Variants in SMO observed in about 807,000 individuals in gnomAD.
The protein encoded by SMO is protein smoothened.
In SMO, 40 loss-of-function variants were observed where a neutral mutation model predicts 81.6. The ratio of observed to expected loss-of-function variants is 0.49; its 90% CI spans 0.38 to 0.64. SMO has a LOEUF of 0.64. Ranked by LOEUF, SMO falls within the 30% of genes least tolerant of loss-of-function variation. The pLI, the probability that SMO is intolerant of heterozygous loss-of-function variation, is 0.00. For synonymous variants in SMO, 434 were observed against 432.1 expected (o/e 1.00, Z -0.05); for missense variants, 916 against 1,061.1 (o/e 0.86, Z 1.90).
chr7:129,211,271 C>T lies in SMO; in HGVS notation c.1801+158C>T. 1.2e-6 allele frequency: 1 copy of T among 838,540 alleles called. No individual in the cohort carries two copies. Among genetic ancestry groups the T allele is most frequent in the Non-Finnish European group, 1.9e-6 (1 of 513,330 alleles). The allele number at this position is 838,540 out of a possible 1,614,324, so 51.9% of individuals were successfully genotyped here. On this transcript the variant is annotated intron_variant, in intron 10 of 11. Transcript: ENST00000249373. The surrounding 1 kb of genome is among the most constrained non-coding windows in gnomAD (Gnocchi z 4.6). ...TCACACACCCATTCTTCCCCCGGCC[C>T]CTCCTACCCTCTGGGGGGCTCTCCC...
intron 1 of SMO, among the ~76,000 whole-genome samples, chr7:129,202,412 A>G (rs1359902063): frequency 6.6e-6 from 1 of 152,110 alleles, no homozygotes; most frequent in East Asian, 1.9e-4. Flanking sequence ...CAGCCTGGAA[A>G]TGTGACCGGC....
rs73721560 is a variant in SMO at position 129,211,590 on chromosome 7, C to T, written c.1802-46C>T. On this transcript the variant is annotated intron_variant, in intron 10 of 11. Transcript: ENST00000249373. This position sits in a 1 kb window ranked among gnomAD's most constrained non-coding sequence, Gnocchi z 4.6. Reference sequence around the variant, plus strand: ...GACTATGGGAGGCACTGCCAGGGACCGGGAAGTCACTATTCCTTCTCCTTT... The same window carrying T: ...GACTATGGGAGGCACTGCCAGGGACTGGGAAGTCACTATTCCTTCTCCTTT... 673 of 1,600,614 alleles carry T rather than the reference C, an allele frequency of 4.2e-4. 3 individuals are homozygous for T. The African/African-American group carries it at 7.8e-3, about 19-fold the overall frequency.
At chr7:129,207,282 T>A (rs1793789171) in intron 6 of SMO, among the ~76,000 whole-genome samples, 2 of 152,210 alleles carry the variant, frequency 1.3e-5, no homozygotes, top group African/African-American at 4.8e-5. Flanking sequence ...TGTGTGCACA[T>A]TAATTCGATA....
rs1793706804 is a variant in SMO at position 129,203,551 on chromosome 7, C to T, written c.499C>T (p.Leu167=). The T allele has an allele frequency of 6.2e-7, 1 of 1,604,350 alleles. No individual in the cohort carries two copies. The highest frequency in any genetic ancestry group is 1.3e-5 in the African/African-American group (1 of 75,050). ...GAGGGAGCGGGGCTGGCCTGACTTCCTGCGCTGCACTCCTGACCGCTTCCC... is the reference window on the plus strand; with the variant it reads ...GAGGGAGCGGGGCTGGCCTGACTTCTTGCGCTGCACTCCTGACCGCTTCCC... ...VERERGWPDF[L]RCTPDRFPEG... is the part of the protein sequence containing the mutation. The change falls in exon 2 of 12, where the codon CTG becomes TTG. Residue 167 remains leucine, a synonymous_variant. Transcript: ENST00000249373.
chr7:129,194,149 CAT>C (rs1403411447), intron 1 of SMO, among the ~76,000 whole-genome samples: 3 of 151,622 alleles, frequency 2.0e-5, no homozygotes, highest in Non-Finnish European at 2.9e-5. Context: ...CACACACACA[CAT>C]ATATGTATAG....
intron 1 of SMO, among the ~76,000 whole-genome samples, chr7:129,199,057 A>T (rs570643474): frequency 6.6e-6 from 1 of 152,320 alleles, no homozygotes; most frequent in Admixed American, 6.5e-5. Flanking sequence ...TAGAAGTACT[A>T]GTATAAAATT....
intron 1 of SMO, among the ~76,000 whole-genome samples, chr7:129,190,743 A>G (rs1793470521): frequency 6.6e-6 from 1 of 152,240 alleles, no homozygotes. Context: ...TTTGGGGATC[A>G]GGTTCTAAAG....
In SMO at chr7:129,211,913, A is replaced by G. The variant is rs746493289; in HGVS notation, c.1937-111A>G. On this transcript the variant is annotated intron_variant, in intron 11 of 11. Coordinates refer to ENST00000249373, the MANE Select transcript of SMO (RefSeq NM_005631.5). The surrounding 1 kb of genome is among the most constrained non-coding windows in gnomAD (Gnocchi z 4.6). ...TCTGAAGAGTGGGGCTGAGGCTCTA[A>G]GAGTCTAGAGACCTGGGCCCCAGAA... The G allele has an allele frequency of 2.3e-5, 32 of 1,405,680 alleles. No homozygotes were observed. Among genetic ancestry groups the G allele is most frequent in the South Asian group, 2.1e-4 (16 of 77,886 alleles). 87.1% of individuals were successfully genotyped at this position (1,405,680 alleles called of 1,614,324 possible). A position where few individuals can be genotyped will look rare whatever the true frequency, so the allele number is the denominator to read the frequency against.
Position 129,188,993 on chromosome 7 carries a change from C to T in SMO, c.-159C>T. Reference sequence around the variant, plus strand: ...TTTGCGAAGTTGGGCGCCGAGGGGCCGGGGCGCGCGGAGCGTCCGGGGGGG... The same window carrying T: ...TTTGCGAAGTTGGGCGCCGAGGGGCTGGGGCGCGCGGAGCGTCCGGGGGGG... On this transcript the variant is annotated 5_prime_UTR_variant, in exon 1 of 12. Transcript: ENST00000249373. The surrounding 1 kb of genome is among the most constrained non-coding windows in gnomAD (Gnocchi z 4.9). The T allele has an allele frequency of 1.8e-6, 1 of 544,112 alleles. No individual in the cohort carries two copies. Among genetic ancestry groups the T allele is most frequent in the Non-Finnish European group, 2.7e-6 (1 of 368,612 alleles). The allele number at this position is 544,112 out of a possible 1,614,324, so 33.7% of individuals were successfully genotyped here.
chr7:129,211,269 C>A lies in SMO; in HGVS notation c.1801+156C>A. The stretch of plus-strand genomic sequence containing the variant: ...GCTCACACACCCATTCTTCCCCCGG[C>A]CCCTCCTACCCTCTGGGGGGCTCTC... On this transcript the variant is annotated intron_variant, in intron 10 of 11. Coordinates refer to ENST00000249373, the MANE Select transcript of SMO (RefSeq NM_005631.5). The surrounding 1 kb of genome is among the most constrained non-coding windows in gnomAD (Gnocchi z 4.6). 2 of 840,106 alleles carry A rather than the reference C, an allele frequency of 2.4e-6. No homozygotes were observed. Among genetic ancestry groups the A allele is most frequent in the Non-Finnish European group, 3.9e-6 (2 of 515,154 alleles). The allele number at this position is 840,106 out of a possible 1,614,324, so 52.0% of individuals were successfully genotyped here. A position where few individuals can be genotyped will look rare whatever the true frequency, so the allele number is the denominator to read the frequency against.
intron 1 of SMO, among the ~76,000 whole-genome samples, chr7:129,190,685 A>G (rs1793469709): frequency 2.0e-5 from 3 of 152,216 alleles, no homozygotes; most frequent in South Asian, 2.1e-4. Flanking sequence ...TGGAGGAGGA[A>G]CTTGGAGGAT....
At chr7:129,202,215 TATC>T (rs941154483) in intron 1 of SMO, among the ~76,000 whole-genome samples, 5 of 152,166 alleles carry the variant, frequency 3.3e-5, no homozygotes, top group Non-Finnish European at 7.3e-5. Flanking sequence ...GAGGTAAATC[TATC>T]ATCCCCATTT....
chr7:129,196,533 C>G (rs1793583194), intron 1 of SMO, among the ~76,000 whole-genome samples: 1 of 151,976 alleles, frequency 6.6e-6, no homozygotes, highest in African/African-American at 2.4e-5. Flanking sequence ...AAAAAAGAGA[C>G]ATCTTTACAA....
In SMO at chr7:129,211,000, T is replaced by C. The variant is rs1793859875; in HGVS notation, c.1688T>C (p.Ile563Thr). The change falls in exon 10 of 12, where the codon ATC (isoleucine) becomes ACC (threonine). Residue 563 changes from isoleucine to threonine, a missense_variant. Physicochemically the swap from Ile to Thr is moderately conservative, Grantham distance 89 (BLOSUM62 -1). This residue lies in a region of SMO where 324 missense variants were observed against 312.9 expected (regional missense o/e 1.04). Transcript: ENST00000249373. The surrounding 1 kb of genome is among the most constrained non-coding windows in gnomAD (Gnocchi z 4.7). ...CAGAGTGACGATGAGCCAAAGCGGA[T>C]CAAGAAGAGCAAGATGATTGCCAAG... ...TGQSDDEPKR[I>T]KKSKMIAKAF... is the part of the protein sequence containing the mutation. The C allele has an allele frequency of 1.2e-6, 2 of 1,613,738 alleles. No homozygotes were observed. The highest frequency in any genetic ancestry group is 1.7e-6 in the Non-Finnish European group (2 of 1,179,824).
rs1429459379 is a variant in SMO, at chr7:129,210,707, TG to T, written c.1652+162del. Reference sequence around the variant, plus strand: ...TTCTGTCCTTGGGTGGCCTGATGCCTGGGCCTGGGCCTGGGCCAAGGGCAGA... The same window carrying T: ...TTCTGTCCTTGGGTGGCCTGATGCCTGGCCTGGGCCTGGGCCAAGGGCAGA... On this transcript the variant is annotated intron_variant, in intron 9 of 11. Transcript: ENST00000249373. The surrounding 1 kb of genome is among the most constrained non-coding windows in gnomAD (Gnocchi z 4.7). Among the ~76,000 whole-genome samples, 4 of 152,342 alleles carry T rather than the reference TG, an allele frequency of 2.6e-5. No individual in the cohort carries two copies. The highest frequency in any genetic ancestry group is 9.6e-5 in the African/African-American group (4 of 41,582).
intron 1 of SMO, among the ~76,000 whole-genome samples, chr7:129,195,912 T>C (rs533671754): frequency 4.8e-4 from 73 of 152,104 alleles, no homozygotes; most frequent in East Asian, 2.7e-3. Flanking sequence ...CCATCCTGGC[T>C]AACACGGTGA....
rs542937727 is a variant in SMO at position 129,209,186 on chromosome 7, C to T, written c.1358-103C>T. On this transcript the variant is annotated intron_variant, in intron 7 of 11. Transcript: ENST00000249373. The stretch of plus-strand genomic sequence containing the variant: ...GCCCAGCATGAGTTCACCCCAGCCC[C>T]AGCTGGGTGAACTTTGAGGCCCAGT... 3.4e-5 allele frequency: 24 copies of T among 715,372 alleles called. No individual in the cohort carries two copies. In the South Asian group the frequency reaches 3.7e-4, roughly 11 times the overall value. The allele number at this position is 715,372 out of a possible 1,614,324, so 44.3% of individuals were successfully genotyped here. A position where few individuals can be genotyped will look rare whatever the true frequency, so the allele number is the denominator to read the frequency against.
intron 1 of SMO, among the ~76,000 whole-genome samples, chr7:129,193,868 G>T (rs1584654099): frequency 1.5e-5 from 2 of 137,270 alleles, no homozygotes; most frequent in East Asian, 4.2e-4. Context: ...ACTTTGGGAG[G>T]TTGAGGCAGG....
chr7:129,205,099 G>T lies in SMO; in HGVS notation c.538-104G>T, dbSNP rs1793741295. 4.2e-6 allele frequency: 4 copies of T among 952,926 alleles called. No homozygotes were observed. In the East Asian group the frequency reaches 7.5e-5, roughly 18 times the overall value. 59.0% of individuals were successfully genotyped at this position (952,926 alleles called of 1,614,324 possible). A position where few individuals can be genotyped will look rare whatever the true frequency, so the allele number is the denominator to read the frequency against. ...CAGCCCTGGGATTCAGGTCCTGGAAGTGTATCTCCAGCCACCCTGCCATGC... is the reference window on the plus strand; with the variant it reads ...CAGCCCTGGGATTCAGGTCCTGGAATTGTATCTCCAGCCACCCTGCCATGC... On this transcript the variant is annotated intron_variant, in intron 2 of 11. Coordinates refer to ENST00000249373, the MANE Select transcript of SMO (RefSeq NM_005631.5).
Sources: gnomAD v4.1 joint callset for allele counts (sites outside exome capture counted in the v4.1 genomes callset) on GRCh38, gnomAD v4.1.1 for gene constraint, gnomAD v4.1.1 regional missense constraint, Gnocchi (gnomAD v3.1) non-coding constraint, MANE v1.5 for transcripts, NCBI Gene and HGNC (gene_info 2026-07-23, HGNC 2026-07-21) for gene names.